VEGFD: variants seen among roughly 807,000 people sequenced by gnomAD.
The protein encoded by VEGFD is vascular endothelial growth factor D, also known as c-fos induced growth factor (vascular endothelial growth factor D).
A neutral mutation model predicts 28.0 loss-of-function variants in VEGFD; 26 were observed. The observed-to-expected ratio is 0.93, with a 90% confidence interval of 0.68 to 1.29. The LOEUF (loss-of-function observed/expected upper bound fraction) is 1.29, where lower values mean the gene tolerates loss of function less well. Among genes scored for constraint, VEGFD ranks in the 50% most tolerant of loss-of-function variants. VEGFD has a pLI of 0.00. For missense variants in VEGFD, 294 were observed against 273.4 expected (o/e 1.08, Z -0.53); for synonymous variants, 93 against 95.5 (o/e 0.97, Z 0.15).
At chrX:15,358,221 G>A in intron 2 of VEGFD, 28 bp from the exon 3 acceptor site, 1 of 1,164,904 alleles carries the variant, frequency 8.6e-7, no homozygotes, top group Non-Finnish European at 1.2e-6. Context: ...GCTCACTGGG[G>A]CTAGCAGGTG....
intron 1 of VEGFD, among the ~76,000 whole-genome samples, chrX:15,381,969 C>G (rs1251864272): frequency 1.5e-5 from 1 of 66,694 alleles, no homozygotes; most frequent in East Asian, 6.4e-4. Context: ...CAGCTGCTTT[C>G]CTTCGTTACT....
intron 6 of VEGFD, 112 bp from the exon 7 acceptor site, chrX:15,346,371 T>C (rs1925173533): frequency 1.2e-6 from 1 of 854,840 alleles, no homozygotes; most frequent in Non-Finnish European, 1.6e-6. Context: ...AATGTCAGTA[T>C]AAAATCCTGC....
At chrX:15,351,111 C>CTT (rs548039050) in intron 5 of VEGFD, among the ~76,000 whole-genome samples, 72 of 50,024 alleles carry the variant, frequency 1.4e-3, no homozygotes, top group South Asian at 2.9e-3. Context: ...GGCTGGTTTT[C>CTT]TTTTTTTTTT....
At chrX:15,346,363 T>G in intron 6 of VEGFD, 104 bp from the exon 7 acceptor site, 1 of 935,264 alleles carries the variant, frequency 1.1e-6, no homozygotes. Flanking sequence ...GTATTTAAAA[T>G]GTCAGTATAA....
chrX:15,369,779 T>C (rs190440429), intron 1 of VEGFD, among the ~76,000 whole-genome samples: 206 of 111,498 alleles, frequency 1.8e-3, no homozygotes, highest in Non-Finnish European at 2.9e-3. Flanking sequence ...AATTTCCTAA[T>C]ATACTTGAAT....
At chrX:15,349,171 G>GT (rs1372899478) in intron 5 of VEGFD, among the ~76,000 whole-genome samples, 3 of 112,553 alleles carry the variant, frequency 2.7e-5, no homozygotes, top group African/African-American at 9.7e-5. Flanking sequence ...TAAGACAAGA[G>GT]TAACTTGTTA....
chrX:15,358,146 A>T lies in VEGFD; in HGVS notation c.349T>A (p.Cys117Ser). Reference sequence around the variant, plus strand: ...CCCAGCTCACTGGCCACCTCCACGCACGTTTCTCTAGGGCTGCACTGAGTT... The same window carrying T: ...CCCAGCTCACTGGCCACCTCCACGCTCGTTTCTCTAGGGCTGCACTGAGTT... ...QRTQCSPRET[C>S]VEVASELGKS... The change falls in exon 3 of 7, where the codon TGC becomes AGC. Residue 117 changes from cysteine (C) to serine (S), a missense_variant. By Grantham distance (112) the Cys-to-Ser change is moderately radical. Coordinates refer to ENST00000297904, the MANE Select transcript of VEGFD (RefSeq NM_004469.5). 8.3e-7 allele frequency: 1 copy of T among 1,211,184 alleles called. No homozygotes were observed. Among genetic ancestry groups the T allele is most frequent in the South Asian group, 1.8e-5 (1 of 56,877 alleles).
intron 2 of VEGFD, among the ~76,000 whole-genome samples, chrX:15,360,793 A>G (rs939428891): frequency 1.8e-5 from 2 of 112,322 alleles, no homozygotes; most frequent in Non-Finnish European, 3.8e-5. Context: ...CAAGAAACCA[A>G]CCTATGAAAA....
At chrX:15,362,371 C>T (rs1923035179) in intron 2 of VEGFD, among the ~76,000 whole-genome samples, 1 of 110,369 alleles carries the variant, frequency 9.1e-6, no homozygotes, top group East Asian at 2.8e-4. Flanking sequence ...AATCACACAA[C>T]TTTGCAGAAA....
chrX:15,358,403 C>T (rs967434787), intron 2 of VEGFD, among the ~76,000 whole-genome samples: 1 of 111,860 alleles, frequency 8.9e-6, no homozygotes, highest in African/African-American at 3.3e-5. Flanking sequence ...TTATACCATA[C>T]CTTGTAGAAT....
At position 15,383,935 on chromosome X, in the gene VEGFD, C is replaced by T. The variant is rs374712203; in HGVS notation, c.12G>A (p.Glu4=). ...TCATGAAAACATTCACCACTACCCA[C>T]TCTCTGTACATTTTGAATATTTCAA... MYR[E]WVVVNVFMML... The change falls in exon 1 of 7, where the codon GAG becomes GAA. Residue 4 remains glutamate (E), a synonymous_variant. Coordinates refer to ENST00000297904, the MANE Select transcript of VEGFD (RefSeq NM_004469.5). 1 of 1,196,459 alleles carries T rather than the reference C, an allele frequency of 8.4e-7. No individual in the cohort carries two copies. The highest frequency in any genetic ancestry group is 1.1e-6 in the Non-Finnish European group (1 of 881,486).
At chrX:15,374,709 G>GA (rs1923392613) in intron 1 of VEGFD, among the ~76,000 whole-genome samples, 2 of 110,487 alleles carry the variant, frequency 1.8e-5, no homozygotes, top group Admixed American at 9.6e-5. Flanking sequence ...CACCAAAAGG[G>GA]AAAAAATCCA....
At chrX:15,378,443 A>G (rs1315096041) in intron 1 of VEGFD, among the ~76,000 whole-genome samples, 1 of 112,059 alleles carries the variant, frequency 8.9e-6, no homozygotes, top group African/African-American at 3.2e-5. Context: ...GGTATCTAAA[A>G]ATCCTGAGGT....
At chrX:15,353,385 AAG>A (rs1922779589) in intron 4 of VEGFD, among the ~76,000 whole-genome samples, 1 of 112,703 alleles carries the variant, frequency 8.9e-6, no homozygotes, top group African/African-American at 3.2e-5. Context: ...CCAAATTGCT[AAG>A]AGAGTAAATT....
Position 15,346,048 on chromosome X carries a change from A to T in VEGFD, c.*85T>A, listed in dbSNP as rs1285331854. 2.7e-6 allele frequency: 3 copies of T among 1,092,784 alleles called. No individual in the cohort carries two copies. The highest frequency in any genetic ancestry group is 3.7e-5 in the African/African-American group (2 of 53,604). 90.1% of individuals were successfully genotyped at this position (1,092,784 alleles called of 1,213,427 possible). A position where few individuals can be genotyped will look rare whatever the true frequency, so the allele number is the denominator to read the frequency against. On this transcript the variant is annotated 3_prime_UTR_variant, in exon 7 of 7. Coordinates refer to ENST00000297904, the MANE Select transcript of VEGFD (RefSeq NM_004469.5). ...CTGTGTAAAATGGATTTTTTTTTTA[A>T]CACCTGGGAAAAAAACAGTGACAGC...
rs1407339793 is a variant in VEGFD at position 15,347,379 on chromosome X, T to G, written c.743-20A>C. 23 of 1,161,440 alleles carry G rather than the reference T, an allele frequency of 2.0e-5. No homozygotes were observed. Among genetic ancestry groups the G allele is most frequent in the Non-Finnish European group, 2.6e-5 (22 of 862,398 alleles). ...AGTGGTCTAAAGAGAAACAGAAACGTGTTGGTCAGATAGTTGTAGTGTGGC... is the reference window on the plus strand; with the variant it reads ...AGTGGTCTAAAGAGAAACAGAAACGGGTTGGTCAGATAGTTGTAGTGTGGC... On this transcript the variant is annotated intron_variant, in intron 5 of 6. Transcript: ENST00000297904.
chrX:15,358,363 G>T (rs1433467204), intron 2 of VEGFD, among the ~76,000 whole-genome samples, 170 bp from the exon 3 acceptor site: 1 of 111,454 alleles, frequency 9.0e-6, no homozygotes, highest in East Asian at 2.8e-4. Context: ...TTGCAGAGAA[G>T]TTACAACCAA....
chrX:15,349,269 A>T (rs1922628539), intron 5 of VEGFD, among the ~76,000 whole-genome samples: 1 of 112,779 alleles, frequency 8.9e-6, no homozygotes, highest in Non-Finnish European at 1.9e-5. Context: ...GCCCAAGGCC[A>T]TTGTTGGACA....
intron 1 of VEGFD, among the ~76,000 whole-genome samples, chrX:15,375,898 T>C (rs1156779457): frequency 3.6e-5 from 4 of 111,529 alleles, no homozygotes; most frequent in Non-Finnish European, 5.6e-5. Context: ...CTTTATGTGT[T>C]TGAAATCTGT....
Sources: allele counts gnomAD v4.1 joint callset (sites outside exome capture counted in the v4.1 genomes callset), GRCh38; gene constraint gnomAD v4.1.1; transcripts MANE v1.5; gene names NCBI Gene and HGNC (gene_info 2026-07-23, HGNC 2026-07-21).